RNF32: variants seen among roughly 807,000 people sequenced by gnomAD.
RNF32 encodes the protein ring finger protein 32.
RNF32 carries 36 observed loss-of-function variants against 41.0 expected under a neutral mutation model. That is an observed-to-expected ratio of 0.88 (90% CI 0.67 to 1.16). The LOEUF (loss-of-function observed/expected upper bound fraction) is 1.16, where lower values mean the gene tolerates loss of function less well. Ranked by LOEUF, RNF32 falls within the 50% of genes most tolerant of loss-of-function variation. RNF32 has a pLI of 0.00. For synonymous variants in RNF32, 154 were observed against 160.9 expected, an observed-to-expected ratio of 0.96 and a Z score of 0.32; for missense variants, 413 against 436.7, an observed-to-expected ratio of 0.95 and a Z score of 0.48.
intron 3 of RNF32, among the ~76,000 whole-genome samples, chr7:156,649,083 G>A (rs1012185494): frequency 6.6e-6 from 1 of 151,732 alleles, no homozygotes; most frequent in African/African-American, 2.4e-5. Context: ...CTGCTTCTAT[G>A]TCAGTATTGC....
chr7:156,658,190 C>A lies in RNF32; in HGVS notation c.513C>A (p.Asn171Lys). 1 of 1,614,130 alleles carries A rather than the reference C, an allele frequency of 6.2e-7. No individual in the cohort carries two copies. The highest frequency in any genetic ancestry group is 1.3e-5 in the African/African-American group (1 of 75,040). The change falls in exon 6 of 9, where the codon AAC (asparagine) becomes AAA (lysine). Residue 171 changes from asparagine to lysine, a missense_variant. By Grantham distance (94) the Asn-to-Lys change is moderately conservative. Transcript: ENST00000317955. ...AAACCTGTCCTCTCTGTAGAAAGAACCAGTATCAAACCCGAGTGATACACG... is the reference window on the plus strand; with the variant it reads ...AAACCTGTCCTCTCTGTAGAAAGAAACAGTATCAAACCCGAGTGATACACG... ...NKKTCPLCRKNQYQTRVIHDG... is the reference protein window; with the variant it reads ...NKKTCPLCRKKQYQTRVIHDG...
At chr7:156,642,717 T>A (rs1797515014) in intron 1 of RNF32, among the ~76,000 whole-genome samples, 1 of 152,176 alleles carries the variant, frequency 6.6e-6, no homozygotes, top group Non-Finnish European at 1.5e-5. Context: ...CAGGGCACAC[T>A]CACACTCACT....
Position 156,654,594 on chromosome 7 carries a change from T to C in RNF32, c.293T>C (p.Ile98Thr), listed in dbSNP as rs751169002. Residue 98 changes from isoleucine to threonine, a missense_variant, in exon 4 of 9, where the codon ATT becomes ACT. Ile to Thr is a moderately conservative substitution (Grantham distance 89, BLOSUM62 -1). Coordinates refer to ENST00000317955, the MANE Select transcript of RNF32 (RefSeq NM_030936.4). Reference sequence around the variant, plus strand: ...ACTTTAGCACAGAAGTTGGGCCTCATTGGGCCTCCACCACCTCCACTGTCA... The same window carrying C: ...ACTTTAGCACAGAAGTTGGGCCTCACTGGGCCTCCACCACCTCCACTGTCA... ...PLTLAQKLGLIGPPPPPLSSD... is the reference protein window; with the variant it reads ...PLTLAQKLGLTGPPPPPLSSD... 18 of 1,614,102 alleles carry C rather than the reference T, an allele frequency of 1.1e-5. No homozygotes were observed. Among genetic ancestry groups the C allele is most frequent in the East Asian group, 4.5e-5 (2 of 44,880 alleles).
In RNF32 at chr7:156,676,213, C is replaced by T. The variant is rs185255096; in HGVS notation, c.853-206C>T. 617 of 1,480,570 alleles carry T rather than the reference C, an allele frequency of 4.2e-4. 1 individual carries two copies. The highest frequency in any genetic ancestry group is 2.2e-3 in the Admixed American group (103 of 46,046). 91.7% of individuals were successfully genotyped at this position (1,480,570 alleles called of 1,614,324 possible). On this transcript the variant is annotated intron_variant, in intron 8 of 8. Transcript: ENST00000317955. ...ACAGGTGGGTTACTAACCCTTTCCA[C>T]AGTTCCCAGGAGTAACAGAGTATAT...
At chr7:156,644,466 T>C in intron 2 of RNF32, 33 bp from the exon 3 acceptor site, 1 of 1,529,328 alleles carries the variant, frequency 6.5e-7, no homozygotes, top group Non-Finnish European at 9.0e-7. Context: ...TACATAATAC[T>C]CCTCTAAATA....
Position 156,642,338 on chromosome 7 carries a change from A to G in RNF32, c.-77-1463A>G, listed in dbSNP as rs541238909. Among the ~76,000 whole-genome samples the G allele has an allele frequency of 2.0e-5, 3 of 152,358 alleles. No individual in the cohort carries two copies. The East Asian group carries it at 5.8e-4, about 29-fold the overall frequency. ...CTTCTAATATGAAACACTGAAGTAC[A>G]TATGAGCTCTACATTTAAGAAATAT... On this transcript the variant is annotated intron_variant, in intron 1 of 8. Coordinates refer to ENST00000317955, the MANE Select transcript of RNF32 (RefSeq NM_030936.4).
chr7:156,642,443 G>C (rs377262259), intron 1 of RNF32, among the ~76,000 whole-genome samples: 129 of 152,348 alleles, frequency 8.5e-4, no homozygotes, highest in African/African-American at 2.9e-3. Flanking sequence ...CCAAGCCAAA[G>C]CTCTGAAGCA....
intron 7 of RNF32, among the ~76,000 whole-genome samples, chr7:156,673,906 T>TAAAAAAAA (rs3030984): frequency 2.0e-5 from 2 of 100,862 alleles, no homozygotes; most frequent in African/African-American, 8.4e-5. Flanking sequence ...TCCACATTAA[T>TAAAAAAAA]AAAAAAAAAA....
rs199589454 is a variant in RNF32 at position 156,643,828 on chromosome 7, T to A, written c.-50T>A. On this transcript the variant is annotated 5_prime_UTR_variant, in exon 2 of 9. An upstream start codon of the reference 5' UTR is lost. Transcript: ENST00000317955. ...GAAGAATAGAAGGAAGGTGATAGGA[T>A]GTGATGATAGAATTTGTGATAGCCA... 24 of 1,558,570 alleles carry A rather than the reference T, an allele frequency of 1.5e-5. No homozygotes were observed. In the East Asian group the frequency reaches 2.0e-4, roughly 13 times the overall value.
Position 156,651,326 on chromosome 7 carries a change from G to A in RNF32, c.275-3250G>A, listed in dbSNP as rs550718775. ...CCTCCCGGGTTCAAGCGATTCTCGT[G>A]CCTGAGCCTCCTGAGTAGCTGGGAT... is the stretch of plus-strand genomic sequence containing the variant. On this transcript the variant is annotated intron_variant, in intron 3 of 8. Coordinates refer to ENST00000317955, the MANE Select transcript of RNF32 (RefSeq NM_030936.4). 2.0e-5 allele frequency among the ~76,000 whole-genome samples: 3 copies of A among 151,314 alleles called. No homozygotes were observed. In the East Asian group the frequency reaches 5.8e-4, roughly 29 times the overall value.
intron 4 of RNF32, 35 bp from the exon 5 acceptor site, chr7:156,657,506 T>C: frequency 6.2e-7 from 1 of 1,612,072 alleles, no homozygotes; most frequent in Non-Finnish European, 8.5e-7. Flanking sequence ...TTCTCTTTTG[T>C]AAACTTCAAC....
At chr7:156,658,009 G>A in intron 5 of RNF32, 119 bp from the exon 6 acceptor site, 1 of 1,025,410 alleles carries the variant, frequency 9.8e-7, no homozygotes, top group Non-Finnish European at 1.5e-6. Flanking sequence ...ACCTAAATTG[G>A]GCTAAGTCTC....
At chr7:156,659,881 CA>C in intron 7 of RNF32, 1 of 984,600 alleles carries the variant, frequency 1.0e-6, no homozygotes, top group Non-Finnish European at 1.2e-6. Flanking sequence ...CGAAAAATAA[CA>C]AAAAGCAAGT....
At chr7:156,668,147 A>C (rs1801643321) in intron 7 of RNF32, among the ~76,000 whole-genome samples, 1 of 152,214 alleles carries the variant, frequency 6.6e-6, no homozygotes, top group Non-Finnish European at 1.5e-5. Context: ...TAAGGCACTC[A>C]TTCAAGGAGA....
At chr7:156,655,309 G>GAA (rs1229848595) in intron 4 of RNF32, among the ~76,000 whole-genome samples, 1 of 149,544 alleles carries the variant, frequency 6.7e-6, no homozygotes, top group Non-Finnish European at 1.5e-5. Context: ...GAGAGAGAGA[G>GAA]AATGCATATA....
intron 2 of RNF32, among the ~76,000 whole-genome samples, 183 bp from the exon 3 acceptor site, chr7:156,644,316 G>C (rs1405387079): frequency 1.3e-5 from 2 of 152,142 alleles, no homozygotes; most frequent in Non-Finnish European, 2.9e-5. Context: ...AGATATTCCT[G>C]TATTGTTAAC....
chr7:156,662,045 A>C (rs1188298985), intron 7 of RNF32, among the ~76,000 whole-genome samples: 1 of 152,156 alleles, frequency 6.6e-6, no homozygotes, highest in African/African-American at 2.4e-5. Context: ...TAAACACTTG[A>C]AATCTGTAAA....
chr7:156,676,422 C>G lies in RNF32; in HGVS notation c.856C>G (p.Leu286Val), dbSNP rs1415273784. 6.2e-7 allele frequency: 1 copy of G among 1,614,070 alleles called. No homozygotes were observed. Among genetic ancestry groups the G allele is most frequent in the South Asian group, 1.1e-5 (1 of 91,072 alleles). Reference protein sequence around the residue: ...EEWEKIQVQALRRETHECSIC... With the variant: ...EEWEKIQVQAVRRETHECSIC... ...CTTCCCGTCCTGTGTGCCGCAGGCT[C>G]TGCGCCGGGAGACCCACGAGTGCTC... The change falls in exon 9 of 9, where the codon CTG becomes GTG. Residue 286 changes from leucine (L) to valine (V), a missense_variant. Coordinates refer to ENST00000317955, the MANE Select transcript of RNF32 (RefSeq NM_030936.4).
intron 7 of RNF32, among the ~76,000 whole-genome samples, chr7:156,666,323 C>A (rs757705055): frequency 3.3e-5 from 5 of 152,150 alleles, no homozygotes; most frequent in African/African-American, 4.8e-5. Context: ...TTAGTGAAGT[C>A]TTTTCTTTAG....
Sources: allele counts gnomAD v4.1 joint callset (sites outside exome capture counted in the v4.1 genomes callset), GRCh38; gene constraint gnomAD v4.1.1; transcripts MANE v1.5; gene names NCBI Gene and HGNC (gene_info 2026-07-23, HGNC 2026-07-21).